Variants in CCDC183 observed in about 807,000 individuals in gnomAD.
CCDC183 encodes the protein coiled-coil domain containing 183, also known as coiled-coil domain-containing protein 183.
CCDC183 carries 63 observed loss-of-function variants against 65.2 expected under a neutral mutation model. The observed-to-expected ratio is 0.97, with a 90% CI of 0.79 to 1.19. The LOEUF (loss-of-function observed/expected upper bound fraction) is 1.19, where lower values mean the gene tolerates loss of function less well. Among genes scored for constraint, CCDC183 ranks in the 50% most tolerant of loss-of-function variants. The probability of loss-of-function intolerance (pLI) is 0.00; values close to 1 mark genes in which losing one functional copy is unlikely to be tolerated. For missense variants in CCDC183, 769 were observed against 689.3 expected, an observed-to-expected ratio of 1.12 and a Z score of -1.30; for synonymous variants, 323 against 276.5, an observed-to-expected ratio of 1.17 and a Z score of -1.67.
At chr9:136,799,953 T>C (rs776000675) in intron 3 of CCDC183, 49 bp from the exon 4 acceptor site, 3 of 1,551,476 alleles carry the variant, frequency 1.9e-6, no homozygotes, top group Non-Finnish European at 1.7e-6. Flanking sequence ...GCGGGCTCCA[T>C]GGCGGCCCCC....
intron 5 of CCDC183, among the ~76,000 whole-genome samples, chr9:136,802,022 C>T (rs899967225): frequency 2.0e-5 from 3 of 152,146 alleles, no homozygotes; most frequent in African/African-American, 7.2e-5. Flanking sequence ...AACTCCTGAC[C>T]TCATGATCTG....
rs1253087862 is a variant in CCDC183, at chr9:136,806,112, CGGA to C, written c.988_990del (p.Glu330del). ...AGCCGCTTCCTGGCCCAGAGGAACA[CGGA>C]GGAGAACCTGGAGCTGCAGATGGAG... is the stretch of plus-strand genomic sequence containing the variant. On this transcript the variant is annotated inframe_deletion, in exon 10 of 14. Coordinates refer to ENST00000338005, the MANE Select transcript of CCDC183 (RefSeq NM_001039374.5). The C allele has an allele frequency of 2.6e-6, 4 of 1,553,484 alleles. No homozygotes were observed. Among genetic ancestry groups the C allele is most frequent in the Non-Finnish European group, 2.6e-6 (3 of 1,148,490 alleles).
chr9:136,802,773 C>T lies in CCDC183; in HGVS notation c.653C>T (p.Thr218Met), dbSNP rs376022396. ...ATGTCCCAAGATGCCATGATGATCA[C>T]GGATGAGGTCAAGGTGAGCTCAGGG... ...KIMSQDAMMI[T>M]DEVKRNMRQR... Residue 218 changes from threonine (T) to methionine (M), a missense_variant, in exon 6 of 14, where the codon ACG becomes ATG. Physicochemically the swap from Thr to Met is moderately conservative, Grantham distance 81 (BLOSUM62 -1). Coordinates refer to ENST00000338005, the MANE Select transcript of CCDC183 (RefSeq NM_001039374.5). 2.4e-5 allele frequency: 38 copies of T among 1,611,168 alleles called. No individual in the cohort carries two copies. In the East Asian group the frequency reaches 2.7e-4, roughly 11 times the overall value.
At position 136,806,227 on chromosome 9, in the gene CCDC183, T is replaced by C. The variant is rs1564352205; in HGVS notation, c.1098T>C (p.Pro366=). ...EEAVLKFRQK[P]SSISFKSVEK... ...CCGTGCTCAAGTTCCGCCAGAAGCCTAGCTCCATCAGGTGCCCCGGGCTTC... is the reference window on the plus strand; with the variant it reads ...CCGTGCTCAAGTTCCGCCAGAAGCCCAGCTCCATCAGGTGCCCCGGGCTTC... Residue 366 remains proline (P), a synonymous_variant, in exon 10 of 14, where the codon CCT becomes CCC. Coordinates refer to ENST00000338005, the MANE Select transcript of CCDC183 (RefSeq NM_001039374.5). The C allele has an allele frequency of 1.3e-6, 2 of 1,592,502 alleles. No individual in the cohort carries two copies. The highest frequency in any genetic ancestry group is 1.7e-6 in the Non-Finnish European group (2 of 1,169,584).
In CCDC183 at chr9:136,799,806, G is replaced by A. The variant is rs1361428827; in HGVS notation, c.270+16G>A. ...CACCATGGAGGTAACCAGGCAGGAG[G>A]GGCCTCGAGACCCAACCCTCCCCAC... On this transcript the variant is annotated intron_variant, in intron 3 of 13. Transcript: ENST00000338005. The A allele has an allele frequency of 2.5e-6, 4 of 1,609,932 alleles. No individual in the cohort carries two copies. Among genetic ancestry groups the A allele is most frequent in the East Asian group, 4.5e-5 (2 of 44,794 alleles).
chr9:136,804,791 C>G lies in CCDC183; in HGVS notation c.822C>G (p.Asn274Lys), dbSNP rs770637747. 21 of 1,613,744 alleles carry G rather than the reference C, an allele frequency of 1.3e-5. No homozygotes were observed. The African/African-American group carries it at 2.7e-4, about 21-fold the overall frequency. The change falls in exon 8 of 14, where the codon AAC becomes AAG. Residue 274 changes from asparagine to lysine, a missense_variant. Physicochemically the swap from Asn to Lys is moderately conservative, Grantham distance 94. Transcript: ENST00000338005. This position sits in a 1 kb window ranked among gnomAD's most constrained non-coding sequence, Gnocchi z 4.1. ...AGATGGACTTGGACTTCCCCTCGAA[C>G]CTGATGAGCACGGAGACCCTGAAAT... ...RGQMDLDFPS[N>K]LMSTETLKLR...
intron 9 of CCDC183, 75 bp from the exon 10 acceptor site, chr9:136,806,003 G>A (rs1005017668): frequency 6.3e-6 from 8 of 1,268,984 alleles, no homozygotes; most frequent in Middle Eastern, 2.8e-4. Context: ...GGGCCCAGAA[G>A]AAACCAGTTC....
At chr9:136,798,153 C>G (rs1367392395) in intron 1 of CCDC183, among the ~76,000 whole-genome samples, 1 of 151,576 alleles carries the variant, frequency 6.6e-6, no homozygotes, top group Non-Finnish European at 1.5e-5. Flanking sequence ...TTACAGGTGC[C>G]CACCACCACG....
intron 5 of CCDC183, 117 bp from the exon 6 acceptor site, chr9:136,802,547 G>T: frequency 2.1e-6 from 3 of 1,414,836 alleles, no homozygotes; most frequent in Non-Finnish European, 2.8e-6. Context: ...GGGGGAGGTG[G>T]CTGGGGCCAC....
At position 136,806,248 on chromosome 9, in the gene CCDC183, G is replaced by T; in HGVS notation, c.1109+10G>T. On this transcript the variant is annotated intron_variant, in intron 10 of 13. Transcript: ENST00000338005. ...AGCCTAGCTCCATCAGGTGCCCCGG[G>T]CTTCCGGGGCTGCGGGCCACCCACC... is the stretch of plus-strand genomic sequence containing the variant. 6.3e-7 allele frequency: 1 copy of T among 1,584,622 alleles called. No homozygotes were observed. The highest frequency in any genetic ancestry group is 8.6e-7 in the Non-Finnish European group (1 of 1,165,426).
At chr9:136,807,283 G>T in intron 13 of CCDC183, 1 of 643,148 alleles carries the variant, frequency 1.6e-6, no homozygotes, top group East Asian at 2.7e-5. Flanking sequence ...TCCGAAAGGA[G>T]GAGGCATGCC....
rs1181637679 is a variant in CCDC183, at chr9:136,806,008, C to G, written c.949-70C>G. On this transcript the variant is annotated intron_variant, in intron 9 of 13. Coordinates refer to ENST00000338005, the MANE Select transcript of CCDC183 (RefSeq NM_001039374.5). ...CGTCTAGGAGGGGCCCAGAAGAAAC[C>G]AGTTCTGTGAAGCCCCCTCTGCCCA... 2.3e-6 allele frequency: 3 copies of G among 1,311,458 alleles called. No homozygotes were observed. The African/African-American group carries it at 4.5e-5, about 19-fold the overall frequency. The allele number at this position is 1,311,458 out of a possible 1,614,324, so 81.2% of individuals were successfully genotyped here. A position where few individuals can be genotyped will look rare whatever the true frequency, so the allele number is the denominator to read the frequency against.
intron 5 of CCDC183, 84 bp from the exon 6 acceptor site, chr9:136,802,580 T>A: frequency 2.0e-6 from 3 of 1,528,606 alleles, no homozygotes; most frequent in Non-Finnish European, 2.6e-6. Context: ...ATCACTGTTC[T>A]CAGGGCTCTT....
chr9:136,800,284 G>A lies in CCDC183; in HGVS notation c.439-105G>A. 3 of 1,444,740 alleles carry A rather than the reference G, an allele frequency of 2.1e-6. No individual in the cohort carries two copies. The South Asian group carries it at 3.9e-5, about 19-fold the overall frequency. 89.5% of individuals were successfully genotyped at this position (1,444,740 alleles called of 1,614,324 possible). ...GTCCCCTGGGGAGGGCTCACGGGAG[G>A]GGCGGGGCTAAGAGAGCACGACCCT... On this transcript the variant is annotated intron_variant, in intron 4 of 13. Coordinates refer to ENST00000338005, the MANE Select transcript of CCDC183 (RefSeq NM_001039374.5).
Position 136,799,133 on chromosome 9 carries a change from G to C in CCDC183, c.102G>C (p.Val34=). ...GTCGGGCACTCCAGATCCAAGGGGT[G>C]AAAGAGAATATGGACCAGAACAAGG... ...EQCRALQIQG[V]KENMDQNKAT... is the part of the protein sequence containing the mutation. Residue 34 remains valine, a synonymous_variant, in exon 2 of 14, where the codon GTG becomes GTC. Transcript: ENST00000338005. The C allele has an allele frequency of 6.2e-7, 1 of 1,613,482 alleles. No homozygotes were observed. The highest frequency in any genetic ancestry group is 8.5e-7 in the Non-Finnish European group (1 of 1,179,906).
At position 136,806,765 on chromosome 9, in the gene CCDC183, G is replaced by A. The variant is rs780373501; in HGVS notation, c.1287G>A (p.Val429=). 9.3e-6 allele frequency: 15 copies of A among 1,613,550 alleles called. No individual in the cohort carries two copies. The Middle Eastern group carries it at 4.9e-4, about 53-fold the overall frequency. Residue 429 remains valine, a synonymous_variant, in exon 12 of 14, where the codon GTG becomes GTA. Transcript: ENST00000338005. The part of the protein sequence containing the change: ...GINLPATQRE[V]VLSNTLDLNS... ...CTCCTCCCGGCCTACAGAGAGAAGTGGTGCTCTCCAACACCCTCGATTTGA... is the reference window on the plus strand; with the variant it reads ...CTCCTCCCGGCCTACAGAGAGAAGTAGTGCTCTCCAACACCCTCGATTTGA...
chr9:136,806,530 C>T lies in CCDC183; in HGVS notation c.1136C>T (p.Thr379Ile), dbSNP rs752330615. 77 of 1,613,426 alleles carry T rather than the reference C, an allele frequency of 4.8e-5. No homozygotes were observed. Among genetic ancestry groups the T allele is most frequent in the East Asian group, 6.7e-5 (3 of 44,900 alleles). ...ISFKSVEKKM[T>I]DMLKEEEERL... The stretch of plus-strand genomic sequence containing the variant: ...TTCAAGTCCGTTGAGAAGAAAATGA[C>T]AGACATGCTAAAAGAGGAAGAAGAG... Residue 379 changes from threonine (T) to isoleucine (I), a missense_variant, in exon 11 of 14, where the codon ACA becomes ATA. Transcript: ENST00000338005.
At chr9:136,807,111 G>C (rs1564353382) in intron 13 of CCDC183, 45 bp downstream of exon 13, 5 of 1,589,474 alleles carry the variant, frequency 3.1e-6, no homozygotes, top group South Asian at 1.1e-5. Context: ...CGGGTGGCTG[G>C]AACACAGGTC....
Position 136,802,763 on chromosome 9 carries a change from A to G in CCDC183, c.643A>G (p.Met215Val). ...TATGAAGATCATGTCCCAAGATGCCATGATGATCACGGATGAGGTCAAGGT... is the reference window on the plus strand; with the variant it reads ...TATGAAGATCATGTCCCAAGATGCCGTGATGATCACGGATGAGGTCAAGGT... ...SDMKIMSQDA[M>V]MITDEVKRNM... The change falls in exon 6 of 14, where the codon ATG (methionine) becomes GTG (valine). Residue 215 changes from methionine to valine, a missense_variant. Met to Val is a conservative substitution (Grantham distance 21). Coordinates refer to ENST00000338005, the MANE Select transcript of CCDC183 (RefSeq NM_001039374.5). 2 of 1,612,936 alleles carry G rather than the reference A, an allele frequency of 1.2e-6. No individual in the cohort carries two copies. The highest frequency in any genetic ancestry group is 2.7e-5 in the African/African-American group (2 of 75,058).
Sources: gnomAD v4.1 joint callset for allele counts (sites outside exome capture counted in the v4.1 genomes callset) on GRCh38, gnomAD v4.1.1 for gene constraint, Gnocchi (gnomAD v3.1) non-coding constraint, MANE v1.5 for transcripts, NCBI Gene and HGNC (gene_info 2026-07-23, HGNC 2026-07-21) for gene names.